SEMA5A: variants seen among roughly 807,000 people sequenced by gnomAD.
The protein encoded by SEMA5A is semaphorin 5A, also known as semaphorin-5A.
In SEMA5A, 55 loss-of-function variants were observed where a neutral mutation model predicts 135.5. That is an observed-to-expected ratio of 0.41 (90% CI 0.33 to 0.51). The LOEUF is 0.51. Among genes scored for constraint, SEMA5A ranks in the 20% least tolerant of loss-of-function variants. SEMA5A has a pLI of 0.37. For synonymous variants in SEMA5A, 580 were observed against 546.5 expected (o/e 1.06, Z -0.85); for missense variants, 1,290 against 1,419.9 (o/e 0.91, Z 1.47).
intron 16 of SEMA5A, among the ~76,000 whole-genome samples, chr5:9,069,015 G>C (rs772933184): frequency 6.6e-6 from 1 of 152,182 alleles, no homozygotes; most frequent in African/African-American, 2.4e-5. Context: ...TTGTGATGAC[G>C]TACAGGGAAG....
At chr5:9,068,417 C>A (rs1737591081) in intron 16 of SEMA5A, among the ~76,000 whole-genome samples, 1 of 152,078 alleles carries the variant, frequency 6.6e-6, no homozygotes, top group South Asian at 2.1e-4. Flanking sequence ...GGAGGCTGAG[C>A]CATGGAGGAT....
chr5:9,318,876 A>G (rs1752502743), intron 4 of SEMA5A, among the ~76,000 whole-genome samples: 1 of 152,190 alleles, frequency 6.6e-6, no homozygotes, highest in Admixed American at 6.5e-5. Context: ...ACCTTGTAAG[A>G]TGGATTCAGT....
chr5:9,382,845 G>A (rs1416585345), intron 2 of SEMA5A, among the ~76,000 whole-genome samples: 1 of 152,230 alleles, frequency 6.6e-6, no homozygotes, highest in Admixed American at 6.5e-5. Flanking sequence ...GAACTTCAGA[G>A]CAGGCAGAAG....
chr5:9,053,109 A>G (rs1282974354), intron 19 of SEMA5A, among the ~76,000 whole-genome samples: 1 of 152,206 alleles, frequency 6.6e-6, no homozygotes, highest in Non-Finnish European at 1.5e-5. Context: ...GTGTGTTTCA[A>G]TGTCAAAGTT....
intron 2 of SEMA5A, among the ~76,000 whole-genome samples, chr5:9,427,159 A>C (rs1257428186): frequency 1.3e-5 from 2 of 152,128 alleles, no homozygotes; most frequent in Non-Finnish European, 2.9e-5. Context: ...AAAAATGTAA[A>C]CATTAGCCAG....
chr5:9,350,060 T>C (rs2150747759), intron 3 of SEMA5A, among the ~76,000 whole-genome samples: 1 of 152,326 alleles, frequency 6.6e-6, no homozygotes, highest in East Asian at 1.9e-4. Context: ...GGAGAGTGGC[T>C]ACACGATTGG....
intron 5 of SEMA5A, among the ~76,000 whole-genome samples, 179 bp from the exon 6 acceptor site, chr5:9,238,069 T>C (rs1457300901): frequency 6.6e-6 from 1 of 152,190 alleles, no homozygotes; most frequent in African/African-American, 2.4e-5. Context: ...GGCTTAGATT[T>C]AGCTCTAATA....
intron 11 of SEMA5A, among the ~76,000 whole-genome samples, chr5:9,186,406 T>G (rs1744811894): frequency 6.6e-6 from 1 of 152,180 alleles, no homozygotes; most frequent in South Asian, 2.1e-4. Context: ...AAACAGCCAT[T>G]GGCTGGTTTC....
intron 21 of SEMA5A, among the ~76,000 whole-genome samples, chr5:9,049,169 T>G (rs1265096636): frequency 2.0e-5 from 3 of 151,786 alleles, no homozygotes; most frequent in Non-Finnish European, 4.4e-5. Context: ...TTTATTTATT[T>G]ATTTATTTTT....
chr5:9,282,993 T>C (rs1750618791), intron 5 of SEMA5A, among the ~76,000 whole-genome samples: 1 of 152,152 alleles, frequency 6.6e-6, no homozygotes, highest in Non-Finnish European at 1.5e-5. Flanking sequence ...GAACCAGACC[T>C]GCCAACACCC....
At chr5:9,370,294 G>C (rs563267940) in intron 3 of SEMA5A, among the ~76,000 whole-genome samples, 2 of 152,330 alleles carry the variant, frequency 1.3e-5, no homozygotes, top group Non-Finnish European at 2.9e-5. Flanking sequence ...TTAGTTAGCA[G>C]GGTTTGCAGC....
chr5:9,277,391 G>A (rs1447499742), intron 5 of SEMA5A, among the ~76,000 whole-genome samples: 2 of 152,190 alleles, frequency 1.3e-5, no homozygotes, highest in African/African-American at 2.4e-5. Context: ...TTCAACAATG[G>A]TGGAGGACAG....
chr5:9,298,219 C>T (rs1031942201), intron 5 of SEMA5A, among the ~76,000 whole-genome samples: 2 of 152,124 alleles, frequency 1.3e-5, no homozygotes, highest in African/African-American at 4.8e-5. Context: ...GATGCTGAGC[C>T]AGACAAGCAT....
At chr5:9,320,413 C>T (rs1183627017) in intron 4 of SEMA5A, among the ~76,000 whole-genome samples, 1 of 152,188 alleles carries the variant, frequency 6.6e-6, no homozygotes, top group Non-Finnish European at 1.5e-5. Context: ...GACTAGGACT[C>T]CAACAGAAAT....
intron 1 of SEMA5A, among the ~76,000 whole-genome samples, chr5:9,501,870 T>C (rs1388322687): frequency 6.6e-6 from 1 of 152,238 alleles, no homozygotes; most frequent in Non-Finnish European, 1.5e-5. Context: ...GCTACTCATT[T>C]TCCTGTTACA....
chr5:9,515,942 G>GACACT (rs1736487185), intron 1 of SEMA5A, among the ~76,000 whole-genome samples: 2 of 152,274 alleles, frequency 1.3e-5, no homozygotes, highest in Admixed American at 6.5e-5. Flanking sequence ...GTGGGACAGG[G>GACACT]ACACTTTTCT....
intron 11 of SEMA5A, among the ~76,000 whole-genome samples, chr5:9,162,233 C>A (rs941891506): frequency 2.0e-5 from 3 of 152,130 alleles, no homozygotes; most frequent in South Asian, 4.2e-4. Context: ...AGAAACACTG[C>A]GGCCAACATG....
At chr5:9,400,264 AT>A (rs1756593973) in intron 2 of SEMA5A, among the ~76,000 whole-genome samples, 1 of 152,226 alleles carries the variant, frequency 6.6e-6, no homozygotes, top group Admixed American at 6.5e-5. Flanking sequence ...ACCACAGCAT[AT>A]GTATACCTAT....
chr5:9,353,322 GGAAAGGAA>G (rs1754281587), intron 3 of SEMA5A, among the ~76,000 whole-genome samples: 1 of 25,284 alleles, frequency 4.0e-5, no homozygotes, highest in Non-Finnish European at 1.1e-4. Context: ...GGGAAAGGAA[GGAAAGGAA>G]AGGAAATGAA....
Sources: gnomAD v4.1 joint callset for allele counts (sites outside exome capture counted in the v4.1 genomes callset) on GRCh38, gnomAD v4.1.1 for gene constraint, MANE v1.5 for transcripts, NCBI Gene and HGNC (gene_info 2026-07-23, HGNC 2026-07-21) for gene names.